RYR3: variants seen among roughly 807,000 people sequenced by gnomAD.
RYR3 encodes brain ryanodine receptor-calcium release channel.
Under a neutral mutation model 584.3 loss-of-function variants are expected in RYR3, and 207 were observed. The ratio of observed to expected loss-of-function variants is 0.35; its 90% CI spans 0.32 to 0.40. The LOEUF is 0.40. Ranked by LOEUF, RYR3 falls within the 10% of genes least tolerant of loss-of-function variation. The pLI is 1.00. For synonymous variants in RYR3, 2,416 were observed against 2,248.5 expected (o/e 1.07, Z -2.11); for missense variants, 5,616 against 6,089.2 (o/e 0.92, Z 2.59).
intron 2 of RYR3, among the ~76,000 whole-genome samples, chr15:33,500,177 A>G (rs944719565): frequency 6.6e-6 from 1 of 152,226 alleles, no homozygotes; most frequent in African/African-American, 2.4e-5. Context: ...ACAAACCTCA[A>G]TGCATCAAGA....
intron 38 of RYR3, among the ~76,000 whole-genome samples, chr15:33,672,354 G>T (rs544903042): frequency 2.0e-5 from 3 of 152,268 alleles, no homozygotes; most frequent in Non-Finnish European, 2.9e-5. Flanking sequence ...GGCAAAACAC[G>T]CACACCCGAG....
At chr15:33,725,795 T>TAA (rs3086219) in intron 45 of RYR3, among the ~76,000 whole-genome samples, 66,876 of 130,200 alleles carry the variant, frequency 0.51, 17,625 homozygotes, top group East Asian at 0.61. Flanking sequence ...CCGTCTCTAC[T>TAA]AAAAAAAAAA....
At chr15:33,775,922 C>T (rs148734438) in intron 64 of RYR3, among the ~76,000 whole-genome samples, 12 of 152,308 alleles carry the variant, frequency 7.9e-5, no homozygotes, top group Middle Eastern at 3.4e-3. Context: ...AGTATGTTTC[C>T]ATTTCGGTGT....
chr15:33,710,633 C>T (rs1318671747), intron 43 of RYR3, among the ~76,000 whole-genome samples: 1 of 152,168 alleles, frequency 6.6e-6, no homozygotes, highest in African/African-American at 2.4e-5. Context: ...TGTGAGGCTC[C>T]ACACCTGCAG....
intron 19 of RYR3, among the ~76,000 whole-genome samples, chr15:33,622,222 A>G (rs2060761485): frequency 6.6e-6 from 1 of 152,186 alleles, no homozygotes; most frequent in South Asian, 2.1e-4. Context: ...GTCGGGGCTC[A>G]TAGACCCTGC....
chr15:33,489,225 A>G (rs931070282), intron 2 of RYR3, among the ~76,000 whole-genome samples: 7 of 152,134 alleles, frequency 4.6e-5, no homozygotes, highest in African/African-American at 1.7e-4. Context: ...TTTAACTTTT[A>G]AGTTCAGGGG....
rs190144624 is a variant in RYR3 at position 33,330,439 on chromosome 15, T to C, written c.51+19343T>C. ...AACTTTTCCCAATCAACCATAGCTT[T>C]CTACACATATGCCTGGAGGCACTGT... is the stretch of plus-strand genomic sequence containing the variant. On this transcript the variant is annotated intron_variant, in intron 1 of 103. Transcript: ENST00000634891. Among the ~76,000 whole-genome samples the C allele has an allele frequency of 2.0e-5, 3 of 152,280 alleles. No individual in the cohort carries two copies. In the East Asian group the frequency reaches 5.8e-4, roughly 29 times the overall value.
intron 72 of RYR3, among the ~76,000 whole-genome samples, chr15:33,811,498 A>G (rs996899134): frequency 5.3e-5 from 7 of 132,024 alleles, no homozygotes; most frequent in African/African-American, 1.8e-4. Context: ...GTAACAGAGC[A>G]AGACTCCGTC....
intron 1 of RYR3, among the ~76,000 whole-genome samples, chr15:33,392,949 A>G (rs1567152946): frequency 6.6e-6 from 1 of 152,260 alleles, no homozygotes; most frequent in Non-Finnish European, 1.5e-5. Flanking sequence ...ATGGGATTGC[A>G]CAAGAAGCTA....
intron 64 of RYR3, among the ~76,000 whole-genome samples, chr15:33,774,230 T>C (rs1176843732): frequency 6.6e-6 from 1 of 152,204 alleles, no homozygotes; most frequent in Non-Finnish European, 1.5e-5. Flanking sequence ...ATCAAATGCC[T>C]TGTGTTCTGT....
At chr15:33,572,915 A>G (rs1459715140) in intron 12 of RYR3, among the ~76,000 whole-genome samples, 1 of 152,252 alleles carries the variant, frequency 6.6e-6, no homozygotes, top group Non-Finnish European at 1.5e-5. Context: ...TGGAGGTTGC[A>G]GTGAGCCAAG....
intron 44 of RYR3, 63 bp from the exon 45 acceptor site, chr15:33,724,002 T>C (rs1169424607): frequency 1.2e-6 from 1 of 840,956 alleles, no homozygotes; most frequent in Non-Finnish European, 2.0e-6. Flanking sequence ...AAGCAGCTTA[T>C]GTCTCGCAGC....
chr15:33,493,449 G>A (rs1245379025), intron 2 of RYR3, among the ~76,000 whole-genome samples: 4 of 152,078 alleles, frequency 2.6e-5, no homozygotes, highest in South Asian at 4.2e-4. Context: ...TAGTACCTGT[G>A]CTACTCATTA....
intron 36 of RYR3, among the ~76,000 whole-genome samples, chr15:33,668,397 T>C (rs2063617597): frequency 6.6e-6 from 1 of 152,028 alleles, no homozygotes; most frequent in Admixed American, 6.5e-5. Flanking sequence ...ATGTAGAGTA[T>C]AAAAGTATAT....
intron 12 of RYR3, among the ~76,000 whole-genome samples, chr15:33,567,432 A>G (rs1043792438): frequency 6.6e-6 from 1 of 152,166 alleles, no homozygotes; most frequent in Non-Finnish European, 1.5e-5. Flanking sequence ...ATCTCTCTAA[A>G]GCCAAGGGGT....
chr15:33,349,413 CTG>C (rs1210704466), intron 1 of RYR3, among the ~76,000 whole-genome samples: 1 of 152,116 alleles, frequency 6.6e-6, no homozygotes, highest in Non-Finnish European at 1.5e-5. Flanking sequence ...ATGAGAGTTC[CTG>C]TTGCTTGCCA....
At position 33,392,757 on chromosome 15, in the gene RYR3, G is replaced by A. The variant is rs61733479; in HGVS notation, c.52-80662G>A. On this transcript the variant is annotated intron_variant, in intron 1 of 103. Transcript: ENST00000634891. ...CTGGAATGGCATTGAGGGGTTATGA[G>A]TGGGTCATCCACAGTATCTACTATG... is the stretch of plus-strand genomic sequence containing the variant. Among the ~76,000 whole-genome samples, 845 of 152,278 alleles carry A rather than the reference G, an allele frequency of 5.5e-3. 11 individuals are homozygous for A. Among genetic ancestry groups the A allele is most frequent in the African/African-American group, 0.019 (785 of 41,548 alleles).
chr15:33,793,291 A>C (rs1320538661), intron 67 of RYR3, among the ~76,000 whole-genome samples: 2 of 152,160 alleles, frequency 1.3e-5, no homozygotes, highest in Non-Finnish European at 2.9e-5. Context: ...GGCTCCCTGC[A>C]TCTCATACGA....
chr15:33,689,868 A>G (rs1007851718), intron 38 of RYR3, among the ~76,000 whole-genome samples: 1 of 152,200 alleles, frequency 6.6e-6, no homozygotes, highest in East Asian at 1.9e-4. Context: ...TTCTCCAACT[A>G]GGCTGTAGTG....
Sources: allele counts gnomAD v4.1 joint callset (sites outside exome capture counted in the v4.1 genomes callset), GRCh38; gene constraint gnomAD v4.1.1; transcripts MANE v1.5; gene names NCBI Gene and HGNC (gene_info 2026-07-23, HGNC 2026-07-21).